The following IFT74 variants were observed in gnomAD, a reference collection of about 807,000 sequenced individuals.
IFT74 encodes intraflagellar transport protein 74 homolog.
In IFT74, 92 loss-of-function variants were observed where a neutral mutation model predicts 96.7. That is an observed-to-expected ratio of 0.95 (90% CI 0.80 to 1.13). The LOEUF (loss-of-function observed/expected upper bound fraction) is 1.13. IFT74 is among the 50% of genes most tolerant of loss of function. The pLI, the probability that IFT74 is intolerant of heterozygous loss-of-function variation, is 0.00. For missense variants in IFT74, 811 were observed against 698.2 expected (o/e 1.16, Z -1.82); for synonymous variants, 223 against 213.2 (o/e 1.05, Z -0.40).
chr9:27,044,595 A>G (rs1028722378), intron 13 of IFT74, 147 bp from the exon 14 acceptor site: 5 of 555,592 alleles, frequency 9.0e-6, no homozygotes, highest in African/African-American at 3.9e-5. Context: ...AAAAGTCTCT[A>G]TAAGTCATTG....
intron 13 of IFT74, among the ~76,000 whole-genome samples, chr9:27,037,810 TC>T (rs1272339244): frequency 6.6e-6 from 1 of 152,188 alleles, no homozygotes; most frequent in Non-Finnish European, 1.5e-5. Flanking sequence ...GCCATCTTGT[TC>T]CTGGAATTCA....
In IFT74 at chr9:27,063,460, G is replaced by T. The variant is rs1000802840; in HGVS notation, c.*724G>T. On this transcript the variant is annotated 3_prime_UTR_variant, in exon 20 of 20. Coordinates refer to ENST00000380062, the MANE Select transcript of IFT74 (RefSeq NM_025103.4). ...TTGTACTATTAGGAGAACTTAAGTA[G>T]ATTAATTTATAAACATTAGCCAGAA... 1.3e-5 allele frequency among the ~76,000 whole-genome samples: 2 copies of T among 152,068 alleles called. No homozygotes were observed. Among genetic ancestry groups the T allele is most frequent in the Admixed American group, 1.3e-4 (2 of 15,244 alleles).
chr9:27,007,238 A>G (rs1476229942), intron 8 of IFT74, among the ~76,000 whole-genome samples: 1 of 152,154 alleles, frequency 6.6e-6, no homozygotes, highest in Non-Finnish European at 1.5e-5. Context: ...CCTGGACATC[A>G]TATGGCCTTT....
intron 2 of IFT74, among the ~76,000 whole-genome samples, chr9:26,977,546 T>C (rs1286015847): frequency 6.6e-6 from 1 of 152,206 alleles, no homozygotes; most frequent in Non-Finnish European, 1.5e-5. Flanking sequence ...TAGAGTGCAG[T>C]GGCATGATCT....
intron 12 of IFT74, among the ~76,000 whole-genome samples, chr9:27,025,534 A>T (rs1829824382): frequency 6.6e-6 from 1 of 152,102 alleles, no homozygotes; most frequent in Non-Finnish European, 1.5e-5. Context: ...ACTTAGGCAT[A>T]GTCATAAGAT....
intron 16 of IFT74, among the ~76,000 whole-genome samples, chr9:27,050,046 CTTATTTATTTAT>C (rs148206711): frequency 1.2e-4 from 18 of 151,400 alleles, no homozygotes; most frequent in Admixed American, 6.6e-4. Flanking sequence ...TAGGACTAGC[CTTATTTATTTAT>C]TTATTTATTT....
intron 13 of IFT74, among the ~76,000 whole-genome samples, chr9:27,032,157 G>A (rs892378307): frequency 1.3e-5 from 2 of 152,172 alleles, no homozygotes; most frequent in East Asian, 1.9e-4. Flanking sequence ...TTTGAAATCA[G>A]GGTAGTTCTC....
chr9:27,011,404 A>T (rs1210078563), intron 9 of IFT74, among the ~76,000 whole-genome samples: 1 of 152,208 alleles, frequency 6.6e-6, no homozygotes, highest in African/African-American at 2.4e-5. Context: ...GTATGTGTAC[A>T]TGTGAACCAT....
rs764273879 is a variant in IFT74 at position 26,982,364 on chromosome 9, A to G, written c.305+1745A>G. The G allele has an allele frequency of 1.4e-4, 61 of 444,518 alleles. 2 individuals carry two copies. Among genetic ancestry groups the G allele is most frequent in the South Asian group, 9.0e-4 (57 of 63,174 alleles). The allele number at this position is 444,518 out of a possible 1,614,324, so 27.5% of individuals were successfully genotyped here. ...CTGCAACTTCCACCGCCTGGATTCA[A>G]GTGATTCTCTTGCCTCAGCCTCGTG... On this transcript the variant is annotated intron_variant, in intron 4 of 19. Transcript: ENST00000380062.
chr9:26,966,465 T>C (rs1826620409), intron 2 of IFT74, among the ~76,000 whole-genome samples: 1 of 152,150 alleles, frequency 6.6e-6, no homozygotes, highest in Non-Finnish European at 1.5e-5. Flanking sequence ...TTGACGTTTG[T>C]ATATCTTCTT....
intron 2 of IFT74, among the ~76,000 whole-genome samples, chr9:26,969,657 C>G (rs538499771): frequency 2.0e-5 from 3 of 151,724 alleles, no homozygotes; most frequent in African/African-American, 7.2e-5. Context: ...CTTTCTTTTT[C>G]TCTGTCTTTT....
chr9:27,035,116 C>G (rs1265281227), intron 13 of IFT74, among the ~76,000 whole-genome samples: 1 of 152,110 alleles, frequency 6.6e-6, no homozygotes, highest in Admixed American at 6.5e-5. Flanking sequence ...TTCATAATAG[C>G]AGTCAATTTA....
At chr9:27,041,081 A>G (rs952454564) in intron 13 of IFT74, among the ~76,000 whole-genome samples, 13 of 152,230 alleles carry the variant, frequency 8.5e-5, no homozygotes, top group African/African-American at 3.1e-4. Flanking sequence ...GTCTTTTGTT[A>G]ACAGCACATA....
At chr9:27,017,396 A>AT (rs200297375) in intron 11 of IFT74, among the ~76,000 whole-genome samples, 2 of 151,770 alleles carry the variant, frequency 1.3e-5, no homozygotes, top group African/African-American at 4.8e-5. Flanking sequence ...TTTTATTTTT[A>AT]TTTTTTGTAG....
intron 2 of IFT74, among the ~76,000 whole-genome samples, chr9:26,969,272 T>C (rs1826771405): frequency 6.6e-6 from 1 of 152,136 alleles, no homozygotes; most frequent in Non-Finnish European, 1.5e-5. Flanking sequence ...AAGATACATA[T>C]ATATTTAGGA....
intron 4 of IFT74, chr9:26,982,426 G>A (rs1469120801): frequency 1.5e-5 from 6 of 397,456 alleles, no homozygotes; most frequent in Admixed American, 3.1e-5. Context: ...ACGGGTGCCT[G>A]CCACCACACT....
intron 6 of IFT74, among the ~76,000 whole-genome samples, chr9:26,987,819 T>C (rs548844289): frequency 6.6e-6 from 1 of 152,376 alleles, no homozygotes; most frequent in Non-Finnish European, 1.5e-5. Flanking sequence ...ACAACTGATA[T>C]CCTTGCCTAA....
chr9:26,967,682 G>T (rs567927923), intron 2 of IFT74, among the ~76,000 whole-genome samples: 2 of 152,228 alleles, frequency 1.3e-5, no homozygotes, highest in South Asian at 4.1e-4. Context: ...GATCTTAGAG[G>T]AAAGGCTTTC....
intron 3 of IFT74, among the ~76,000 whole-genome samples, chr9:26,978,793 T>C (rs184292056): frequency 1.7e-4 from 26 of 152,292 alleles, no homozygotes; most frequent in African/African-American, 5.3e-4. Flanking sequence ...CTAATACTTA[T>C]GTAAGGAAAT....
Sources: allele counts gnomAD v4.1 joint callset (sites outside exome capture counted in the v4.1 genomes callset), GRCh38; gene constraint gnomAD v4.1.1; transcripts MANE v1.5; gene names NCBI Gene and HGNC (gene_info 2026-07-23, HGNC 2026-07-21).